EEIG2: variants seen among roughly 807,000 people sequenced by gnomAD.
EEIG2 encodes the protein family with sequence similarity 102 member B.
the EEIG2 span, among the ~76,000 whole-genome samples, chr1:108,561,335 G>A: frequency 6.6e-6 from 1 of 152,186 alleles, no homozygotes; most frequent in Non-Finnish European, 1.5e-5. Flanking sequence ...GCTACTCACA[G>A]GTTGACAGAT....
At chr1:108,623,666 A>C in the EEIG2 span, among the ~76,000 whole-genome samples, 5 of 152,230 alleles carry the variant, frequency 3.3e-5, no homozygotes, top group Non-Finnish European at 7.3e-5. Context: ...TGTATCTACA[A>C]AAATAAAAAA....
At chr1:108,620,357 G>T in the EEIG2 span, among the ~76,000 whole-genome samples, 1 of 151,882 alleles carries the variant, frequency 6.6e-6, no homozygotes, top group Non-Finnish European at 1.5e-5. Context: ...CATAAGGCCA[G>T]AATTTATGAA....
chr1:108,590,462 AT>A, the EEIG2 span, among the ~76,000 whole-genome samples: 1 of 152,204 alleles, frequency 6.6e-6, no homozygotes, highest in African/African-American at 2.4e-5. Context: ...AACTTGTAAC[AT>A]TTATTATTGA....
chr1:108,563,295 A>G, the EEIG2 span, among the ~76,000 whole-genome samples: 2 of 152,196 alleles, frequency 1.3e-5, no homozygotes, highest in Non-Finnish European at 2.9e-5. Flanking sequence ...CCCTAATACA[A>G]ATTTTGGGCA....
chr1:108,560,272 AGCGGCCCCGGCCGCGGCCGGCCT>A, the EEIG2 span: 11 of 304,280 alleles, frequency 3.6e-5, no homozygotes, highest in Non-Finnish European at 5.2e-5. Flanking sequence ...AGGCGGCGGC[AGCGGCCCCGGCCGCGGCCGGCCT>A]GCGGCGCCCC....
chr1:108,587,458 C>T, the EEIG2 span, among the ~76,000 whole-genome samples: 1 of 152,124 alleles, frequency 6.6e-6, no homozygotes, highest in African/African-American at 2.4e-5. Flanking sequence ...AGGCTTCACA[C>T]TTGGTGTTGT....
At chr1:108,618,714 C>T in the EEIG2 span, among the ~76,000 whole-genome samples, 3 of 151,792 alleles carry the variant, frequency 2.0e-5, no homozygotes, top group African/African-American at 7.3e-5. Context: ...TGATGCACAC[C>T]TGTGGTTCCA....
At chr1:108,638,802 A>C in the EEIG2 span, 1 of 152,234 alleles carries the variant, frequency 6.6e-6, no homozygotes, top group Admixed American at 6.5e-5. Flanking sequence ...TGCTCTGGAA[A>C]TAAAGGCCTT....
At chr1:108,599,195 G>T in the EEIG2 span, among the ~76,000 whole-genome samples, 1 of 151,832 alleles carries the variant, frequency 6.6e-6, no homozygotes, top group African/African-American at 2.4e-5. Context: ...AAAAACAACT[G>T]ATAGATCGTA....
chr1:108,590,262 T>C, the EEIG2 span, among the ~76,000 whole-genome samples: 1 of 152,196 alleles, frequency 6.6e-6, no homozygotes, highest in Admixed American at 6.5e-5. Flanking sequence ...TTTGTAGATC[T>C]GACTTATCCT....
the EEIG2 span, among the ~76,000 whole-genome samples, chr1:108,632,777 A>G: frequency 6.6e-6 from 1 of 152,156 alleles, no homozygotes; most frequent in Non-Finnish European, 1.5e-5. Context: ...TAGGTACAGA[A>G]CAGCAGAAAA....
the EEIG2 span, chr1:108,635,094 C>T: frequency 6.2e-7 from 1 of 1,613,578 alleles, no homozygotes; most frequent in South Asian, 1.1e-5. Context: ...AGTTTTTTTC[C>T]ACTGCTGTTT....
chr1:108,624,521 T>C, the EEIG2 span: 1 of 611,936 alleles, frequency 1.6e-6, no homozygotes, highest in Non-Finnish European at 2.8e-6. Flanking sequence ...CTTTGTTACT[T>C]TCACTCTCAA....
chr1:108,567,280 G>A, the EEIG2 span, among the ~76,000 whole-genome samples: 1 of 152,190 alleles, frequency 6.6e-6, no homozygotes, highest in Admixed American at 6.5e-5. Flanking sequence ...TTCCCAGTGC[G>A]TCAGGAACTT....
At chr1:108,560,403 C>T in the EEIG2 span, 48 of 1,566,540 alleles carry the variant, frequency 3.1e-5, no homozygotes, top group Admixed American at 7.4e-5. Context: ...GCCGTGCGCC[C>T]AGCTTGCAGG....
At chr1:108,595,470 GA>G in the EEIG2 span, among the ~76,000 whole-genome samples, 1 of 143,246 alleles carries the variant, frequency 7.0e-6, no homozygotes, top group Admixed American at 7.1e-5. Flanking sequence ...GGAAGGAAGG[GA>G]GGGGGGAAAT....
At chr1:108,625,826 G>T in the EEIG2 span, 3 of 123,720 alleles carry the variant, frequency 2.4e-5, no homozygotes, top group African/African-American at 8.5e-5. Context: ...GTGTGTGTGT[G>T]TGGAGAGAGA....
chr1:108,620,903 G>A, the EEIG2 span, among the ~76,000 whole-genome samples: 1 of 152,080 alleles, frequency 6.6e-6, no homozygotes, highest in Non-Finnish European at 1.5e-5. Context: ...AGTGTCACTG[G>A]GGCACACAGG....
the EEIG2 span, among the ~76,000 whole-genome samples, chr1:108,585,032 A>G: frequency 6.6e-6 from 1 of 152,184 alleles, no homozygotes; most frequent in Non-Finnish European, 1.5e-5. Flanking sequence ...CTGTTAATAG[A>G]AAAGTAAACA....
Sources: allele counts gnomAD v4.1 joint callset (sites outside exome capture counted in the v4.1 genomes callset), GRCh38; gene constraint gnomAD v4.1.1; transcripts MANE v1.5; gene names NCBI Gene and HGNC (gene_info 2026-07-23, HGNC 2026-07-21).